Variants in ZDHHC16 observed in about 807,000 individuals in gnomAD.
ZDHHC16 encodes the protein palmitoyltransferase ZDHHC16.
In ZDHHC16, 33 loss-of-function variants were observed where a neutral mutation model predicts 54.4. The observed-to-expected ratio is 0.61, with a 90% CI of 0.46 to 0.81. The LOEUF is 0.81. Among genes scored for constraint, ZDHHC16 ranks in the 30% least tolerant of loss-of-function variants. The probability of loss-of-function intolerance (pLI) is 0.00; values close to 1 mark genes in which losing one functional copy is unlikely to be tolerated. For synonymous variants in ZDHHC16, 185 were observed against 182.1 expected, an observed-to-expected ratio of 1.02 and a Z score of -0.13; for missense variants, 420 against 485.9, an observed-to-expected ratio of 0.86 and a Z score of 1.28.
In ZDHHC16 at chr10:97,453,620, A is replaced by G. The variant is rs149414992; in HGVS notation, c.647A>G (p.Tyr216Cys). 5.0e-6 allele frequency: 8 copies of G among 1,614,158 alleles called. No individual in the cohort carries two copies. Among genetic ancestry groups the G allele is most frequent in the Non-Finnish European group, 6.8e-6 (8 of 1,180,030 alleles). The change falls in exon 7 of 12, where the codon TAT becomes TGT. Residue 216 changes from tyrosine to cysteine, a missense_variant. Transcript: ENST00000393760. ...ACTCTGGGCTGTGTCTACTGCAGCT[A>G]TGGAAGTTGGGACCTTTTCCGGGAG... ...FMTLGCVYCS[Y>C]GSWDLFREAY... is the part of the protein sequence containing the mutation.
At position 97,454,745 on chromosome 10, in the gene ZDHHC16, C is replaced by G; in HGVS notation, c.770C>G (p.Ser257Cys). The change falls in exon 9 of 12, where the codon TCC (serine) becomes TGC (cysteine). Residue 257 changes from serine (S) to cysteine (C), a missense_variant. Transcript: ENST00000393760. ...CACCAGACCCCACCACCCACCTTCTCCTTTCGAGAAAGGATGACTCACAAG... is the reference window on the plus strand; with the variant it reads ...CACCAGACCCCACCACCCACCTTCTGCTTTCGAGAAAGGATGACTCACAAG... ...TYHQTPPPTF[S>C]FRERMTHKSL... 1.2e-6 allele frequency: 2 copies of G among 1,614,192 alleles called. No individual in the cohort carries two copies. Among genetic ancestry groups the G allele is most frequent in the Non-Finnish European group, 1.7e-6 (2 of 1,180,034 alleles).
At chr10:97,453,724 C>T (rs1326162920) in intron 7 of ZDHHC16, 61 bp downstream of exon 7, 2 of 1,613,954 alleles carry the variant, frequency 1.2e-6, no homozygotes, top group African/African-American at 1.3e-5. Flanking sequence ...AGAACCTGTC[C>T]CTAAGGAATG....
At chr10:97,454,088 C>T (rs1370983730) in intron 8 of ZDHHC16, among the ~76,000 whole-genome samples, 4 of 152,136 alleles carry the variant, frequency 2.6e-5, no homozygotes, top group Non-Finnish European at 5.9e-5. Flanking sequence ...CTCTTTGGGT[C>T]GAGCAAGCAA....
intron 1 of ZDHHC16, among the ~76,000 whole-genome samples, chr10:97,450,072 C>T (rs942842752): frequency 6.6e-6 from 1 of 150,904 alleles, no homozygotes; most frequent in Non-Finnish European, 1.5e-5. Context: ...GGGGTTTCAC[C>T]TTGTTAGCCA....
chr10:97,446,448 T>A, intron 1 of ZDHHC16, 95 bp downstream of exon 1: 1 of 196,464 alleles, frequency 5.1e-6, no homozygotes, highest in Non-Finnish European at 1.1e-5. Flanking sequence ...GGGTTCCTGC[T>A]CTCTCCTCGC....
chr10:97,452,528 G>T (rs1337701288), intron 5 of ZDHHC16, 25 bp downstream of exon 5: 1 of 1,609,432 alleles, frequency 6.2e-7, no homozygotes, highest in Admixed American at 1.7e-5. Flanking sequence ...TGCTCTCTGG[G>T]AATCCCAGCT....
chr10:97,449,861 CT>C (rs35173837), intron 1 of ZDHHC16, among the ~76,000 whole-genome samples: 244 of 81,524 alleles, frequency 3.0e-3, no homozygotes, highest in African/African-American at 4.2e-3. Flanking sequence ...CCCCTTAATT[CT>C]TTTTTTTTTT....
At chr10:97,450,061 C>T (rs966552196) in intron 1 of ZDHHC16, among the ~76,000 whole-genome samples, 1 of 150,604 alleles carries the variant, frequency 6.6e-6, no homozygotes, top group East Asian at 2.0e-4. Context: ...TTAGTAGAGA[C>T]GGGGTTTCAC....
intron 1 of ZDHHC16, among the ~76,000 whole-genome samples, chr10:97,447,771 A>C (rs912146047): frequency 6.6e-6 from 1 of 152,044 alleles, no homozygotes; most frequent in Admixed American, 6.5e-5. Context: ...AAAAAATACA[A>C]AATTAGCCAG....
chr10:97,453,293 A>C (rs370798594), intron 6 of ZDHHC16, among the ~76,000 whole-genome samples: 7 of 152,194 alleles, frequency 4.6e-5, no homozygotes, highest in African/African-American at 1.4e-4. Context: ...ATTTTACTGA[A>C]GGATTTCAGT....
intron 2 of ZDHHC16, 146 bp from the exon 3 acceptor site, chr10:97,451,525 C>G (rs1489913451): frequency 8.8e-7 from 1 of 1,133,512 alleles, no homozygotes; most frequent in Non-Finnish European, 1.2e-6. Context: ...AGTGAAGTAA[C>G]CTTCCTACTT....
At chr10:97,447,855 G>T (rs1156461737) in intron 1 of ZDHHC16, among the ~76,000 whole-genome samples, 1 of 152,206 alleles carries the variant, frequency 6.6e-6, no homozygotes, top group African/African-American at 2.4e-5. Flanking sequence ...CCCAGGAGGC[G>T]GAGGTTGTGG....
At chr10:97,455,544 G>A in intron 9 of ZDHHC16, 116 bp from the exon 10 acceptor site, 7 of 1,540,878 alleles carry the variant, frequency 4.5e-6, no homozygotes, top group Non-Finnish European at 5.3e-6. Flanking sequence ...GGTGGGAGGT[G>A]AGGAAGACTT....
At chr10:97,449,958 G>A (rs1243420954) in intron 1 of ZDHHC16, among the ~76,000 whole-genome samples, 2 of 133,274 alleles carry the variant, frequency 1.5e-5, no homozygotes, top group South Asian at 2.5e-4. Flanking sequence ...TGCAAGCTCC[G>A]CTTCCCGGGT....
chr10:97,456,480 G>GT, intron 11 of ZDHHC16: 1 of 314,496 alleles, frequency 3.2e-6, no homozygotes, highest in East Asian at 5.9e-5. Flanking sequence ...TACTGAGGCG[G>GT]TAACAATCAG....
chr10:97,454,973 T>C (rs759657929), intron 9 of ZDHHC16, among the ~76,000 whole-genome samples, 174 bp downstream of exon 9: 12 of 152,212 alleles, frequency 7.9e-5, no homozygotes, highest in Non-Finnish European at 1.0e-4. Context: ...ACTGAGGATA[T>C]TGGCATTGCT....
Position 97,451,536 on chromosome 10 carries a change from C to A in ZDHHC16, c.-5-135C>A, listed in dbSNP as rs950091544. 3 of 1,255,192 alleles carry A rather than the reference C, an allele frequency of 2.4e-6. No homozygotes were observed. The African/African-American group carries it at 4.5e-5, about 19-fold the overall frequency. The allele number at this position is 1,255,192 out of a possible 1,614,324, so 77.8% of individuals were successfully genotyped here. On this transcript the variant is annotated intron_variant, in intron 2 of 11. Transcript: ENST00000393760. ...GAAAAGTGAAGTAACCTTCCTACTT[C>A]TCACAGTTGGTGACTGGCCTAGCTG...
intron 5 of ZDHHC16, 113 bp downstream of exon 5, chr10:97,452,616 G>C (rs1276182398): frequency 3.4e-6 from 4 of 1,183,882 alleles, no homozygotes; most frequent in South Asian, 2.9e-5. Flanking sequence ...TCGTGTCCCA[G>C]GTGATGTGCC....
Position 97,453,534 on chromosome 10 carries a change from G to T in ZDHHC16, c.561G>T (p.Trp187Cys). The change falls in exon 7 of 12, where the codon TGG becomes TGT. Residue 187 changes from tryptophan to cysteine, a missense_variant. Transcript: ENST00000393760. ...CCTTAATCATTTCCCAACCAGCCTG[G>T]CTAAACAATTGTGTGGGCCACTATA... ...CVLKMDHHCP[W>C]LNNCVGHYNH... 1 of 1,613,940 alleles carries T rather than the reference G, an allele frequency of 6.2e-7. No individual in the cohort carries two copies. Among genetic ancestry groups the T allele is most frequent in the Non-Finnish European group, 8.5e-7 (1 of 1,179,976 alleles).
Sources: allele counts gnomAD v4.1 joint callset (sites outside exome capture counted in the v4.1 genomes callset), GRCh38; gene constraint gnomAD v4.1.1; transcripts MANE v1.5; gene names NCBI Gene and HGNC (gene_info 2026-07-23, HGNC 2026-07-21).